TRERF1: variants seen among roughly 807,000 people sequenced by gnomAD.
TRERF1 encodes transcriptional regulating factor 1.
TRERF1 carries 27 observed loss-of-function variants against 122.9 expected under a neutral mutation model. The observed-to-expected ratio is 0.22, with a 90% CI of 0.16 to 0.30. TRERF1 has a LOEUF of 0.30. Among genes scored for constraint, TRERF1 ranks in the 10% least tolerant of loss-of-function variants. TRERF1 has a pLI of 1.00. For missense variants in TRERF1, 1,248 were observed against 1,560.3 expected (o/e 0.80, Z 3.37); for synonymous variants, 636 against 641.7 (o/e 0.99, Z 0.13).
chr6:42,257,575 A>G (rs964881176), intron 10 of TRERF1, among the ~76,000 whole-genome samples: 1 of 152,222 alleles, frequency 6.6e-6, no homozygotes, highest in African/African-American at 2.4e-5. Flanking sequence ...TAAACCCTAC[A>G]AAGGTTAACT....
intron 4 of TRERF1, among the ~76,000 whole-genome samples, chr6:42,272,849 A>G (rs1487858015): frequency 2.0e-5 from 3 of 151,980 alleles, no homozygotes. Context: ...TCTGACCCCC[A>G]AAGATTGCCC....
chr6:42,361,619 C>T (rs1416894352), intron 3 of TRERF1, among the ~76,000 whole-genome samples: 1 of 152,192 alleles, frequency 6.6e-6, no homozygotes, highest in African/African-American at 2.4e-5. Flanking sequence ...TCACAGCCGG[C>T]ACATCTACGT....
chr6:42,438,597 G>A (rs1162180005), intron 2 of TRERF1, among the ~76,000 whole-genome samples: 4 of 149,208 alleles, frequency 2.7e-5, no homozygotes, highest in Non-Finnish European at 4.5e-5. Context: ...GCAACAGAGT[G>A]AGACTCTGTC....
In TRERF1 at chr6:42,439,388, T is replaced by C. The variant is rs1419621791; in HGVS notation, c.-454+11789A>G. ...ACGTACCAGGCCCCAGGATGGGTGCTGGGGACACAATAAATAAGACATGGT... is the reference window on the plus strand; with the variant it reads ...ACGTACCAGGCCCCAGGATGGGTGCCGGGGACACAATAAATAAGACATGGT... On this transcript the variant is annotated intron_variant, in intron 2 of 17. Coordinates refer to ENST00000372922, the Ensembl canonical transcript of TRERF1. Among the ~76,000 whole-genome samples the C allele has an allele frequency of 2.0e-5, 3 of 152,246 alleles. No homozygotes were observed. In the East Asian group the frequency reaches 5.8e-4, roughly 29 times the overall value.
intron 13 of TRERF1, among the ~76,000 whole-genome samples, chr6:42,250,198 GT>G (rs1452016145): frequency 6.6e-6 from 1 of 152,146 alleles, no homozygotes; most frequent in African/African-American, 2.4e-5. Context: ...TTCGATACAT[GT>G]TTTGAACCTT....
exon 18 of TRERF1, chr6:42,227,293 T>A (rs1428198089): frequency 6.6e-6 from 1 of 152,244 alleles, no homozygotes; most frequent in Non-Finnish European, 1.5e-5. Context: ...ATAGCTAACA[T>A]CAAGGTAAAC....
Position 42,228,227 on chromosome 6 carries a change from G to T in TRERF1, c.*118C>A. 2 of 829,874 alleles carry T rather than the reference G, an allele frequency of 2.4e-6. No homozygotes were observed. The highest frequency in any genetic ancestry group is 1.7e-6 in the Non-Finnish European group (1 of 583,688). 51.4% of individuals were successfully genotyped at this position (829,874 alleles called of 1,614,324 possible). A position where few individuals can be genotyped will look rare whatever the true frequency, so the allele number is the denominator to read the frequency against. On this transcript the variant is annotated 3_prime_UTR_variant, in exon 18 of 18. Coordinates refer to ENST00000372922, the Ensembl canonical transcript of TRERF1. The surrounding 1 kb of genome is among the most constrained non-coding windows in gnomAD (Gnocchi z 4.2). ...TTTTTTTTCTAAACCTGAATAAAAT[G>T]ACCACTTTTAAAACAGGTAGTTTAA...
rs985426323 is a variant in TRERF1, at chr6:42,275,742, T to G, written c.-258-5894A>C. Reference sequence around the variant, plus strand: ...GGCATAGTGCCCTAAAGCACCAAATTTATGGAGTGCTGTAGATAATAACAA... The same window carrying G: ...GGCATAGTGCCCTAAAGCACCAAATGTATGGAGTGCTGTAGATAATAACAA... On this transcript the variant is annotated intron_variant, in intron 4 of 17. Transcript: ENST00000372922. This position sits in a 1 kb window ranked among gnomAD's most constrained non-coding sequence, Gnocchi z 4.1. Among the ~76,000 whole-genome samples the G allele has an allele frequency of 5.3e-5, 8 of 152,128 alleles. No homozygotes were observed. Among genetic ancestry groups the G allele is most frequent in the African/African-American group, 1.4e-4 (6 of 41,416 alleles).
chr6:42,305,988 A>C (rs1243895914), intron 3 of TRERF1, among the ~76,000 whole-genome samples: 1 of 133,280 alleles, frequency 7.5e-6, no homozygotes, highest in Non-Finnish European at 1.6e-5. Flanking sequence ...CTCTCCAAAT[A>C]TCTCTCCTTT....
chr6:42,262,380 GGGA>G (rs1216441125), intron 8 of TRERF1, among the ~76,000 whole-genome samples: 1 of 150,360 alleles, frequency 6.7e-6, no homozygotes, highest in Non-Finnish European at 1.5e-5. Context: ...CCACTTTGTG[GGGA>G]GGGGGTAGGT....
chr6:42,250,128 C>T (rs1475194305), intron 13 of TRERF1, among the ~76,000 whole-genome samples: 1 of 152,214 alleles, frequency 6.6e-6, no homozygotes, highest in Admixed American at 6.5e-5. Flanking sequence ...GTCTCAGTTT[C>T]CCCACATGAC....
intron 3 of TRERF1, among the ~76,000 whole-genome samples, chr6:42,352,293 C>T (rs964332839): frequency 2.6e-5 from 4 of 152,216 alleles, no homozygotes; most frequent in Admixed American, 2.6e-4. Context: ...CTGCATCCAG[C>T]CTCATAATTT....
At chr6:42,388,247 C>A (rs1203932577) in intron 2 of TRERF1, among the ~76,000 whole-genome samples, 1 of 144,970 alleles carries the variant, frequency 6.9e-6, no homozygotes, top group South Asian at 2.2e-4. Context: ...TTTTAGGCAA[C>A]TTTATTCAGG....
chr6:42,376,527 C>T (rs1271117740), intron 2 of TRERF1, among the ~76,000 whole-genome samples: 4 of 143,456 alleles, frequency 2.8e-5, no homozygotes, highest in African/African-American at 1.0e-4. Context: ...CATGACTTTT[C>T]GTCTAATTCT....
At position 42,232,728 on chromosome 6, in the gene TRERF1, G is replaced by A. The variant is rs746248101; in HGVS notation, c.3231C>T (p.Ser1077=). 5.3e-5 allele frequency: 85 copies of A among 1,608,652 alleles called. 1 individual carries two copies. The Middle Eastern group carries it at 6.6e-4, about 13-fold the overall frequency. Residue 1077 remains serine, a synonymous_variant, in exon 17 of 18, where the codon AGC becomes AGT. Transcript: ENST00000372922. The surrounding 1 kb of genome is among the most constrained non-coding windows in gnomAD (Gnocchi z 4.5). ...AGATGGTGGTGGGGTCTGTCTCGCC[G>A]CTGGTGGTGCTGTGAGAGGGTGAGC...
At chr6:42,439,705 C>A (rs1786137283) in intron 2 of TRERF1, among the ~76,000 whole-genome samples, 1 of 152,206 alleles carries the variant, frequency 6.6e-6, no homozygotes, top group East Asian at 1.9e-4. Context: ...CCATCTAAGA[C>A]CAAATCTGCC....
chr6:42,438,859 T>C (rs1785956485), intron 2 of TRERF1, among the ~76,000 whole-genome samples: 1 of 151,892 alleles, frequency 6.6e-6, no homozygotes, highest in South Asian at 2.1e-4. Context: ...GGTTTAGATA[T>C]GGGAGGACAC....
chr6:42,362,514 C>A (rs1203386959), intron 3 of TRERF1, among the ~76,000 whole-genome samples: 1 of 152,282 alleles, frequency 6.6e-6, no homozygotes, highest in South Asian at 2.1e-4. Flanking sequence ...TAGCTGTATG[C>A]CCATTTTATG....
chr6:42,368,344 T>C (rs907400267), intron 2 of TRERF1, among the ~76,000 whole-genome samples: 2 of 152,142 alleles, frequency 1.3e-5, no homozygotes, highest in African/African-American at 4.8e-5. Flanking sequence ...CTCCTGATGG[T>C]TGGCTCCTCG....
Sources: allele counts gnomAD v4.1 joint callset (sites outside exome capture counted in the v4.1 genomes callset), GRCh38; gene constraint gnomAD v4.1.1; non-coding constraint Gnocchi (gnomAD v3.1); transcripts MANE v1.5; gene names NCBI Gene and HGNC (gene_info 2026-07-23, HGNC 2026-07-21).